Variants in SNX1 observed in about 807,000 individuals in gnomAD.
The protein encoded by SNX1 is sorting nexin-1.
In SNX1, 36 loss-of-function variants were observed where a neutral mutation model predicts 71.8. The ratio of observed to expected loss-of-function variants is 0.50; its 90% CI spans 0.38 to 0.66. The LOEUF is 0.66. Ranked by LOEUF, SNX1 falls within the 30% of genes least tolerant of loss-of-function variation. The pLI, the probability that SNX1 is intolerant of heterozygous loss-of-function variation, is 0.00. For missense variants in SNX1, 612 were observed against 646.7 expected, an observed-to-expected ratio of 0.95 and a Z score of 0.58; for synonymous variants, 254 against 240.7, an observed-to-expected ratio of 1.06 and a Z score of -0.51.
chr15:64,118,129 A>G lies in SNX1; in HGVS notation c.284A>G (p.Glu95Gly), dbSNP rs761660161. The stretch of plus-strand genomic sequence containing the variant: ...AACTTCATTTTAGATGCCACAGTGG[A>G]GCTATCCTTGGACAGCACACAAAAT... ...PQDLFADATV[E>G]LSLDSTQNNQ... The change falls in exon 3 of 15, where the codon GAG becomes GGG. Residue 95 changes from glutamate (E) to glycine (G), a missense_variant. Coordinates refer to ENST00000559844, the MANE Select transcript of SNX1 (RefSeq NM_003099.5). The G allele has an allele frequency of 4.3e-6, 7 of 1,611,874 alleles. No homozygotes were observed. The highest frequency in any genetic ancestry group is 5.9e-6 in the Non-Finnish European group (7 of 1,179,322).
At chr15:64,115,563 C>CT (rs5813279) in intron 2 of SNX1, 4,014 of 324,182 alleles carry the variant, frequency 0.012, 15 homozygotes, top group South Asian at 0.022. Flanking sequence ...CTTCAAAAGG[C>CT]TTTTTTTTTT....
Position 64,142,789 on chromosome 15 carries a change from C to A in SNX1, c.*5171C>A. The A allele has an allele frequency of 2.5e-6, 1 of 395,692 alleles. No individual in the cohort carries two copies. The highest frequency in any genetic ancestry group is 1.8e-5 in the South Asian group (1 of 56,124). The allele number at this position is 395,692 out of a possible 1,614,324, so 24.5% of individuals were successfully genotyped here. A position where few individuals can be genotyped will look rare whatever the true frequency, so the allele number is the denominator to read the frequency against. On this transcript the variant is annotated 3_prime_UTR_variant, in exon 15 of 15. Coordinates refer to ENST00000559844, the MANE Select transcript of SNX1 (RefSeq NM_003099.5). ...AGTATTCAGTGTCAGTACTCAGTGA[C>A]AAAATAAATGAGAGAAACGGGAATA...
chr15:64,137,449 C>T, intron 14 of SNX1, 119 bp from the exon 15 acceptor site: 1 of 1,084,266 alleles, frequency 9.2e-7, no homozygotes, highest in Non-Finnish European at 1.4e-6. Flanking sequence ...TGCTCGGAGC[C>T]TGCCTTTGTG....
In SNX1 at chr15:64,134,647, C is replaced by G; in HGVS notation, c.1222-17C>G. 3.1e-6 allele frequency: 5 copies of G among 1,603,876 alleles called. No individual in the cohort carries two copies. Among genetic ancestry groups the G allele is most frequent in the Non-Finnish European group, 4.3e-6 (5 of 1,174,842 alleles). ...TTGAAGAGCTGGTTGTGCTCCTCCTCAACCCCACCCCCACAGGCTGCCTTC... is the reference window on the plus strand; with the variant it reads ...TTGAAGAGCTGGTTGTGCTCCTCCTGAACCCCACCCCCACAGGCTGCCTTC... On this transcript the variant is annotated splice_polypyrimidine_tract_variant and intron_variant, in intron 11 of 14. Transcript: ENST00000559844. This position sits in a 1 kb window ranked among gnomAD's most constrained non-coding sequence, Gnocchi z 4.1.
intron 1 of SNX1, among the ~76,000 whole-genome samples, chr15:64,103,189 A>G (rs1389114968): frequency 6.6e-6 from 1 of 152,114 alleles, no homozygotes; most frequent in African/African-American, 2.4e-5. Flanking sequence ...ATATGCTTTG[A>G]TATATTTGCT....
rs1271909019 is a variant in SNX1, at chr15:64,134,827, C to T, written c.1365+20C>T. The T allele has an allele frequency of 3.7e-6, 6 of 1,613,016 alleles. No individual in the cohort carries two copies. The highest frequency in any genetic ancestry group is 1.7e-5 in the Admixed American group (1 of 59,936). On this transcript the variant is annotated intron_variant, in intron 12 of 14. Coordinates refer to ENST00000559844, the MANE Select transcript of SNX1 (RefSeq NM_003099.5). This position sits in a 1 kb window ranked among gnomAD's most constrained non-coding sequence, Gnocchi z 4.1. ...CTCGAGGTGAGTCCACTGAGGCAGC[C>T]CAGCCAGGGGTGTTCTGCTGGTTCC...
At chr15:64,124,507 A>C (rs2081230119) in intron 5 of SNX1, among the ~76,000 whole-genome samples, 1 of 117,078 alleles carries the variant, frequency 8.5e-6, no homozygotes, top group South Asian at 2.3e-4. Context: ...ACTCTGTCTC[A>C]AAAAAAAAAA....
chr15:64,098,491 G>A (rs974447629), intron 1 of SNX1, among the ~76,000 whole-genome samples: 4 of 152,208 alleles, frequency 2.6e-5, no homozygotes, highest in Middle Eastern at 3.4e-3. Flanking sequence ...GCCAGGAATC[G>A]AGACCAGGCT....
chr15:64,130,190 A>C, intron 9 of SNX1, 38 bp from the exon 10 acceptor site: 1 of 1,581,090 alleles, frequency 6.3e-7, no homozygotes, highest in Non-Finnish European at 8.7e-7. Flanking sequence ...GCACCCATAA[A>C]AGTAATCTCA....
At chr15:64,123,958 A>T in intron 5 of SNX1, among the ~76,000 whole-genome samples, 1 of 151,914 alleles carries the variant, frequency 6.6e-6, no homozygotes, top group South Asian at 2.1e-4. Context: ...ATATTAATGC[A>T]TACAAAATGT....
rs933082863 is a variant in SNX1, at chr15:64,139,828, T to A, written c.*2210T>A. On this transcript the variant is annotated 3_prime_UTR_variant, in exon 15 of 15. Coordinates refer to ENST00000559844, the MANE Select transcript of SNX1 (RefSeq NM_003099.5). ...TACTGCAGATTCCTCAACTTTCTTT[T>A]GTCTTTCATTACCATGACATTTTTG... 2.0e-5 allele frequency: 3 copies of A among 152,198 alleles called. No homozygotes were observed. Among genetic ancestry groups the A allele is most frequent in the Non-Finnish European group, 4.4e-5 (3 of 68,040 alleles). 9.4% of individuals were successfully genotyped at this position (152,198 alleles called of 1,614,324 possible). A position where few individuals can be genotyped will look rare whatever the true frequency, so the allele number is the denominator to read the frequency against.
intron 2 of SNX1, among the ~76,000 whole-genome samples, chr15:64,117,768 G>A (rs1172519733): frequency 1.3e-5 from 2 of 152,090 alleles, no homozygotes; most frequent in Non-Finnish European, 1.5e-5. Context: ...CTCCAACCTG[G>A]GTGACAGAGT....
At chr15:64,110,806 A>C (rs1387748923) in intron 1 of SNX1, among the ~76,000 whole-genome samples, 1 of 152,234 alleles carries the variant, frequency 6.6e-6, no homozygotes, top group Non-Finnish European at 1.5e-5. Flanking sequence ...TGAGGGAAAG[A>C]TAGACTACTA....
At chr15:64,096,536 C>CGAAAGTA (rs1181787221) in intron 1 of SNX1, among the ~76,000 whole-genome samples, 1 of 152,230 alleles carries the variant, frequency 6.6e-6, no homozygotes, top group African/African-American at 2.4e-5. Flanking sequence ...GAATGGGATG[C>CGAAAGTA]AGACCTTTCC....
chr15:64,098,767 A>G (rs950613028), intron 1 of SNX1, among the ~76,000 whole-genome samples: 6 of 151,826 alleles, frequency 4.0e-5, no homozygotes, highest in Non-Finnish European at 8.8e-5. Flanking sequence ...ACCATACTTT[A>G]TGGAGTTATC....
chr15:64,121,876 T>G (rs540892225), intron 4 of SNX1, among the ~76,000 whole-genome samples: 1 of 149,270 alleles, frequency 6.7e-6, no homozygotes, highest in East Asian at 1.9e-4. Flanking sequence ...AACATGTGCT[T>G]CTTGTTCCTG....
At chr15:64,126,332 A>C (rs1595997981) in intron 6 of SNX1, 112 bp downstream of exon 6, 2 of 1,204,024 alleles carry the variant, frequency 1.7e-6, no homozygotes, top group East Asian at 2.5e-5. Context: ...TGTGGTTAGA[A>C]AAGAGACATT....
At chr15:64,127,932 G>T in intron 8 of SNX1, 126 bp downstream of exon 8, 4 of 649,756 alleles carry the variant, frequency 6.2e-6, no homozygotes, top group Non-Finnish European at 5.3e-6. Context: ...AGTTTTGTGT[G>T]AACCCCTGAG....
intron 4 of SNX1, among the ~76,000 whole-genome samples, chr15:64,121,238 G>A (rs1480974759): frequency 2.6e-5 from 4 of 152,336 alleles, no homozygotes; most frequent in African/African-American, 7.2e-5. Flanking sequence ...CTGTAGCAAA[G>A]TACCACAAAC....
Sources: allele counts gnomAD v4.1 joint callset (sites outside exome capture counted in the v4.1 genomes callset), GRCh38; gene constraint gnomAD v4.1.1; non-coding constraint Gnocchi (gnomAD v3.1); transcripts MANE v1.5; gene names NCBI Gene and HGNC (gene_info 2026-07-23, HGNC 2026-07-21).